The following SEMA3A variants were observed in gnomAD, a reference collection of about 807,000 sequenced individuals.
The protein encoded by SEMA3A is semaphorin 3A, also known as semaphorin-3A.
In SEMA3A, 29 loss-of-function variants were observed where a neutral mutation model predicts 97.9. That is an observed-to-expected ratio of 0.30 (90% CI 0.22 to 0.40). SEMA3A has a LOEUF of 0.40. Among genes scored for constraint, SEMA3A ranks in the 10% least tolerant of loss-of-function variants. The pLI is 1.00. For missense variants in SEMA3A, 763 were observed against 951.3 expected (o/e 0.80, Z 2.60); for synonymous variants, 321 against 323.7 (o/e 0.99, Z 0.09).
At chr7:84,428,891 G>A (rs908490591) in intron 1 of SEMA3A, among the ~76,000 whole-genome samples, 3 of 152,072 alleles carry the variant, frequency 2.0e-5, no homozygotes, top group African/African-American at 7.2e-5. Context: ...GGAGAAAGGA[G>A]CAGAATAAGT....
At chr7:84,062,706 T>A (rs998136691) in intron 4 of SEMA3A, among the ~76,000 whole-genome samples, 1 of 152,184 alleles carries the variant, frequency 6.6e-6, no homozygotes, top group East Asian at 1.9e-4. Context: ...ACTGCGCTTT[T>A]CCGGCGGGCT....
At chr7:84,219,263 C>T (rs1452812751) in intron 3 of SEMA3A, among the ~76,000 whole-genome samples, 1 of 152,112 alleles carries the variant, frequency 6.6e-6, no homozygotes, top group Non-Finnish European at 1.5e-5. Context: ...TGCAGCCTGT[C>T]AAAGGATTGG....
At chr7:84,352,987 G>C (rs1313479182) in intron 2 of SEMA3A, among the ~76,000 whole-genome samples, 3 of 151,744 alleles carry the variant, frequency 2.0e-5, no homozygotes, top group Non-Finnish European at 3.0e-5. Flanking sequence ...ATCCATGAGG[G>C]ATTGGTTCAG....
intron 1 of SEMA3A, among the ~76,000 whole-genome samples, chr7:84,458,866 T>C (rs1235043314): frequency 3.3e-5 from 5 of 152,158 alleles, no homozygotes; most frequent in Admixed American, 1.3e-4. Flanking sequence ...TTGTTAACTA[T>C]AGCTTTCCTA....
Position 84,011,235 on chromosome 7 carries a change from C to G in SEMA3A, c.873G>C (p.Leu291=), listed in dbSNP as rs768576835. ...NKWTTFLKAR[L]ICSVPGPNGI... ...CATTTGGACCTGGCACTGAGCAAAT[C>G]AGACGAGCTTTGAGGAATGTTGTCC... The change falls in exon 8 of 17, where the codon CTG becomes CTC. Residue 291 remains leucine (L), a synonymous_variant. Transcript: ENST00000265362. 1.2e-6 allele frequency: 2 copies of G among 1,613,976 alleles called. No individual in the cohort carries two copies. The highest frequency in any genetic ancestry group is 1.7e-5 in the Admixed American group (1 of 60,004).
chr7:84,148,329 T>C (rs1330633221), intron 1 of SEMA3A, among the ~76,000 whole-genome samples: 2 of 152,180 alleles, frequency 1.3e-5, no homozygotes, highest in Non-Finnish European at 2.9e-5. Flanking sequence ...ACATTTTGAT[T>C]ATAAAGGCTT....
In SEMA3A at chr7:84,058,215, A is replaced by G. The variant is rs542805013; in HGVS notation, c.547+2250T>C. 7.7e-4 allele frequency among the ~76,000 whole-genome samples: 118 copies of G among 152,284 alleles called. 1 individual carries two copies. In the Middle Eastern group the frequency reaches 0.034, roughly 44 times the overall value. ...AGCCTAGAACCACCTTAAAATTTCT[A>G]TCTTATTTGTACCAATGAGGAAGGT... On this transcript the variant is annotated intron_variant, in intron 5 of 16. Coordinates refer to ENST00000265362, the MANE Select transcript of SEMA3A (RefSeq NM_006080.3).
chr7:84,455,148 T>TCA (rs1162715668), intron 1 of SEMA3A, among the ~76,000 whole-genome samples: 1 of 151,958 alleles, frequency 6.6e-6, no homozygotes, highest in Non-Finnish European at 1.5e-5. Flanking sequence ...AGATAGTTTT[T>TCA]CAACAAGAAA....
chr7:84,134,664 C>T, intron 2 of SEMA3A, 130 bp downstream of exon 2: 1 of 625,938 alleles, frequency 1.6e-6, no homozygotes, highest in Non-Finnish European at 2.5e-6. Flanking sequence ...TTTTTATTTG[C>T]ATCAGAAAAG....
chr7:84,091,976 A>T (rs6965990), intron 4 of SEMA3A, among the ~76,000 whole-genome samples: 62,769 of 152,000 alleles, frequency 0.41, 14,830 homozygotes, highest in Admixed American at 0.52. Context: ...TCTACACACT[A>T]CACTAAATTC....
intron 11 of SEMA3A, among the ~76,000 whole-genome samples, chr7:84,002,636 G>A (rs1332024501): frequency 3.3e-5 from 5 of 152,094 alleles, no homozygotes; most frequent in Admixed American, 6.6e-5. Context: ...ATGGCTCAAT[G>A]GCCATTATGT....
intron 3 of SEMA3A, among the ~76,000 whole-genome samples, chr7:84,241,375 A>G (rs1799360151): frequency 6.6e-6 from 1 of 151,958 alleles, no homozygotes; most frequent in Non-Finnish European, 1.5e-5. Context: ...GCTTTTTTTC[A>G]TATGTTTATT....
At chr7:84,474,675 G>A (rs1806234109) in intron 1 of SEMA3A, among the ~76,000 whole-genome samples, 1 of 152,104 alleles carries the variant, frequency 6.6e-6, no homozygotes, top group African/African-American at 2.4e-5. Flanking sequence ...TGCAGAGTGT[G>A]AGGCACATCA....
chr7:84,216,326 C>T (rs1175773807), intron 3 of SEMA3A, among the ~76,000 whole-genome samples: 1 of 152,132 alleles, frequency 6.6e-6, no homozygotes, highest in Non-Finnish European at 1.5e-5. Flanking sequence ...AGGATGGTCT[C>T]AATCTCCTGA....
At chr7:84,207,920 G>A (rs1001313208) in intron 3 of SEMA3A, among the ~76,000 whole-genome samples, 1 of 151,988 alleles carries the variant, frequency 6.6e-6, no homozygotes, top group African/African-American at 2.4e-5. Flanking sequence ...GTTATGTGGA[G>A]GTTTTTCTTC....
chr7:84,136,911 A>G (rs1401714571), intron 1 of SEMA3A, among the ~76,000 whole-genome samples: 1 of 151,434 alleles, frequency 6.6e-6, no homozygotes, highest in East Asian at 2.0e-4. Context: ...ACACACACAA[A>G]AAAAAGAAGA....
chr7:84,273,476 A>G (rs963047637), intron 3 of SEMA3A, among the ~76,000 whole-genome samples: 3 of 152,286 alleles, frequency 2.0e-5, no homozygotes, highest in Non-Finnish European at 2.9e-5. Context: ...ATGAATGCAT[A>G]AAGTGAATTT....
chr7:84,015,415 A>G (rs1718039536), intron 6 of SEMA3A, among the ~76,000 whole-genome samples: 2 of 152,156 alleles, frequency 1.3e-5, no homozygotes, highest in South Asian at 2.1e-4. Flanking sequence ...CTCCACTTCA[A>G]ACAGTATTTT....
At chr7:84,040,294 C>T (rs1299574707) in intron 6 of SEMA3A, among the ~76,000 whole-genome samples, 1 of 149,966 alleles carries the variant, frequency 6.7e-6, no homozygotes, top group African/African-American at 2.5e-5. Context: ...CATCATTCAG[C>T]TTGATCTGGG....
Sources: allele counts gnomAD v4.1 joint callset (sites outside exome capture counted in the v4.1 genomes callset), GRCh38; gene constraint gnomAD v4.1.1; transcripts MANE v1.5; gene names NCBI Gene and HGNC (gene_info 2026-07-23, HGNC 2026-07-21).